The following SLC24A2 variants were observed in gnomAD, a reference collection of about 807,000 sequenced individuals.
SLC24A2 encodes the protein sodium/potassium/calcium exchanger 2.
A neutral mutation model predicts 62.0 loss-of-function variants in SLC24A2; 36 were observed. That is an observed-to-expected ratio of 0.58 (90% CI 0.44 to 0.77). The LOEUF is 0.77. SLC24A2 is among the 30% of genes least tolerant of loss of function. The pLI is 0.00. For synonymous variants in SLC24A2, 358 were observed against 294.0 expected, an observed-to-expected ratio of 1.22 and a Z score of -2.23; for missense variants, 846 against 817.9, an observed-to-expected ratio of 1.03 and a Z score of -0.42.
At chr9:19,649,054 G>A (rs1226005817) in intron 2 of SLC24A2, among the ~76,000 whole-genome samples, 1 of 149,368 alleles carries the variant, frequency 6.7e-6, no homozygotes, top group African/African-American at 2.4e-5. Flanking sequence ...AAACATGGGT[G>A]ATGGGAAAAG....
intron 5 of SLC24A2, among the ~76,000 whole-genome samples, chr9:19,579,117 A>T: frequency 6.6e-6 from 1 of 152,182 alleles, no homozygotes; most frequent in East Asian, 1.9e-4. Context: ...AGGTAGCTTG[A>T]ATTTGGTTGT....
chr9:19,745,449 G>A (rs1396986048), intron 2 of SLC24A2, among the ~76,000 whole-genome samples: 1 of 152,106 alleles, frequency 6.6e-6, no homozygotes, highest in African/African-American at 2.4e-5. Context: ...AGTAATATCA[G>A]CATTGTCTGG....
intron 5 of SLC24A2, among the ~76,000 whole-genome samples, chr9:19,587,678 T>G (rs1452687108): frequency 6.6e-6 from 1 of 151,848 alleles, no homozygotes; most frequent in African/African-American, 2.4e-5. Flanking sequence ...AAGAGCTTCA[T>G]GGTTGAGGGG....
the SLC24A2 span, among the ~76,000 whole-genome samples, chr9:20,135,812 G>C: frequency 1.3e-5 from 2 of 152,064 alleles, no homozygotes; most frequent in East Asian, 3.9e-4. Flanking sequence ...CATATATTTC[G>C]TGGAGTTGGA....
chr9:19,597,363 G>T (rs1836730340), intron 4 of SLC24A2, 84 bp from the exon 5 acceptor site: 2 of 948,484 alleles, frequency 2.1e-6, no homozygotes, highest in South Asian at 2.6e-5. Flanking sequence ...TAATTAATCA[G>T]ATTCAGAGTT....
rs148630735 is a variant in SLC24A2 at position 19,573,892 on chromosome 9, T to A, written c.1229-423A>T. Reference sequence around the variant, plus strand: ...AAACCAAAACCACACGCAATCTACATACTATTGTTTACACCCTGGACTGTA... The same window carrying A: ...AAACCAAAACCACACGCAATCTACAAACTATTGTTTACACCCTGGACTGTA... On this transcript the variant is annotated intron_variant, in intron 6 of 10. Coordinates refer to ENST00000341998, the MANE Select transcript of SLC24A2 (RefSeq NM_020344.4). Among the ~76,000 whole-genome samples the A allele has an allele frequency of 1.1e-3, 171 of 152,252 alleles. 1 individual carries two copies. The highest frequency in any genetic ancestry group is 4.0e-3 in the African/African-American group (165 of 41,540).
At chr9:20,225,186 T>G in the SLC24A2 span, among the ~76,000 whole-genome samples, 13 of 152,116 alleles carry the variant, frequency 8.5e-5, no homozygotes, top group Non-Finnish European at 1.5e-4. Flanking sequence ...AGTGCTTGTG[T>G]ATGTATATTG....
At chr9:19,911,213 C>T in the SLC24A2 span, among the ~76,000 whole-genome samples, 1 of 151,830 alleles carries the variant, frequency 6.6e-6, no homozygotes, top group Admixed American at 6.6e-5. Flanking sequence ...TGATGATTTC[C>T]AATTTCATCC....
the SLC24A2 span, among the ~76,000 whole-genome samples, chr9:19,827,627 G>A: frequency 2.0e-5 from 3 of 152,098 alleles, no homozygotes; most frequent in Non-Finnish European, 4.4e-5. Context: ...GCATCTCTGT[G>A]TTTTCCTTCT....
the SLC24A2 span, among the ~76,000 whole-genome samples, chr9:20,021,529 T>C: frequency 6.6e-6 from 1 of 151,936 alleles, no homozygotes; most frequent in Non-Finnish European, 1.5e-5. Context: ...TGGAATACTT[T>C]CCATGGGAAA....
At chr9:19,987,298 T>C in the SLC24A2 span, among the ~76,000 whole-genome samples, 2 of 152,250 alleles carry the variant, frequency 1.3e-5, no homozygotes, top group East Asian at 1.9e-4. Context: ...AGCTATACGA[T>C]ACCTTGGCAG....
the SLC24A2 span, among the ~76,000 whole-genome samples, chr9:20,147,100 T>C: frequency 6.6e-6 from 1 of 152,188 alleles, no homozygotes; most frequent in African/African-American, 2.4e-5. Context: ...TTGTCCTGGT[T>C]TACTGTTTAC....
chr9:19,862,540 CAG>C, the SLC24A2 span, among the ~76,000 whole-genome samples: 85 of 152,186 alleles, frequency 5.6e-4, no homozygotes, highest in Non-Finnish European at 1.0e-3. Flanking sequence ...CAGAAAAACA[CAG>C]AGTGTTATAA....
At position 19,550,372 on chromosome 9, in the gene SLC24A2, T is replaced by G. The variant is rs1834784885; in HGVS notation, c.1348-104A>C. 6 of 1,195,218 alleles carry G rather than the reference T, an allele frequency of 5.0e-6. No homozygotes were observed. In the East Asian group the frequency reaches 1.2e-4, roughly 24 times the overall value. The allele number at this position is 1,195,218 out of a possible 1,614,324, so 74.0% of individuals were successfully genotyped here. The stretch of plus-strand genomic sequence containing the variant: ...AAGGGGAAGCTCCATGTCTTATCAG[T>G]TTTCTGGACTCGTTCCAGTAGCTTC... On this transcript the variant is annotated intron_variant, in intron 7 of 10. Transcript: ENST00000341998.
chr9:19,753,444 T>G (rs1382654256), intron 2 of SLC24A2, among the ~76,000 whole-genome samples: 2 of 152,190 alleles, frequency 1.3e-5, no homozygotes, highest in East Asian at 3.9e-4. Flanking sequence ...CTATTAACAT[T>G]CCCAAATAGT....
At chr9:19,563,739 T>G (rs1325798717) in intron 7 of SLC24A2, among the ~76,000 whole-genome samples, 2 of 119,100 alleles carry the variant, frequency 1.7e-5, no homozygotes, top group Non-Finnish European at 3.2e-5. Flanking sequence ...ACTGTTGGTT[T>G]TTATAATGAC....
chr9:20,275,333 C>T, the SLC24A2 span, among the ~76,000 whole-genome samples: 36 of 152,062 alleles, frequency 2.4e-4, 1 homozygote, highest in Non-Finnish European at 7.4e-5. Context: ...CAAGAAAAAT[C>T]ACACACTCCT....
the SLC24A2 span, among the ~76,000 whole-genome samples, chr9:20,129,445 T>G: frequency 6.6e-6 from 1 of 151,980 alleles, no homozygotes; most frequent in African/African-American, 2.4e-5. Context: ...CACGAAGAAT[T>G]AAAAACAGAA....
chr9:19,730,865 C>G (rs1821313488), intron 2 of SLC24A2, among the ~76,000 whole-genome samples: 1 of 142,272 alleles, frequency 7.0e-6, no homozygotes, highest in African/African-American at 2.7e-5. Flanking sequence ...ACACTTAAAT[C>G]CTATAACTCT....
Sources: gnomAD v4.1 joint callset for allele counts (sites outside exome capture counted in the v4.1 genomes callset) on GRCh38, gnomAD v4.1.1 for gene constraint, MANE v1.5 for transcripts, NCBI Gene and HGNC (gene_info 2026-07-23, HGNC 2026-07-21) for gene names.